SIDT2: variants seen among roughly 807,000 people sequenced by gnomAD.
The protein encoded by SIDT2 is SID1 transmembrane family, member 2.
Under a neutral mutation model 114.4 loss-of-function variants are expected in SIDT2, and 68 were observed. That is an observed-to-expected ratio of 0.59 (90% CI 0.49 to 0.73). The LOEUF (loss-of-function observed/expected upper bound fraction) is 0.73. Among genes scored for constraint, SIDT2 ranks in the 30% least tolerant of loss-of-function variants. SIDT2 has a pLI of 0.00. For missense variants in SIDT2, 918 were observed against 1,097.1 expected (o/e 0.84, Z 2.31); for synonymous variants, 470 against 438.4 (o/e 1.07, Z -0.90).
At position 117,179,181 on chromosome 11, in the gene SIDT2, G is replaced by T. The variant is rs2030156724; in HGVS notation, c.-83G>T. The T allele has an allele frequency of 7.2e-7, 1 of 1,395,444 alleles. No individual in the cohort carries two copies. The allele number at this position is 1,395,444 out of a possible 1,614,324, so 86.4% of individuals were successfully genotyped here. A position where few individuals can be genotyped will look rare whatever the true frequency, so the allele number is the denominator to read the frequency against. ...TGAGATGCTGGAAGCTGCGGCCGCAGCCGCAACCCGTCCCGGAGGTGTCCT... is the reference window on the plus strand; with the variant it reads ...TGAGATGCTGGAAGCTGCGGCCGCATCCGCAACCCGTCCCGGAGGTGTCCT... On this transcript the variant is annotated 5_prime_UTR_variant, in exon 1 of 26. Coordinates refer to ENST00000324225, the MANE Select transcript of SIDT2 (RefSeq NM_001040455.2).
rs200541242 is a variant in SIDT2, at chr11:117,193,925, G to T, written c.2284G>T (p.Ala762Ser). The part of the protein sequence containing the change: ...IVCTSVVWGF[A>S]LFFFFQGLST... ...TTGCACCTCCGTGGTCTGGGGCTTC[G>T]CGCTCTTCTTCTTCTTCCAGGGACT... The change falls in exon 24 of 26, where the codon GCG becomes TCG. Residue 762 changes from alanine (A) to serine (S), a missense_variant. Ala to Ser is a moderately conservative substitution (Grantham distance 99). Transcript: ENST00000324225. 91 of 1,614,060 alleles carry T rather than the reference G, an allele frequency of 5.6e-5. No homozygotes were observed. The East Asian group carries it at 2.0e-3, about 35-fold the overall frequency.
chr11:117,183,643 A>G, intron 6 of SIDT2, 136 bp from the exon 7 acceptor site: 1 of 705,670 alleles, frequency 1.4e-6, no homozygotes, highest in South Asian at 2.0e-5. Context: ...CGTCTCAAAA[A>G]AAAAAAAAAT....
Position 117,196,231 on chromosome 11 carries a change from G to A in SIDT2, c.*165G>A, listed in dbSNP as rs913606322. On this transcript the variant is annotated 3_prime_UTR_variant, in exon 26 of 26. Transcript: ENST00000324225. The surrounding 1 kb of genome is among the most constrained non-coding windows in gnomAD (Gnocchi z 4.9). ...TAGGCTTGGCCTGGGACAGCCATGG[G>A]GTGGCATGGAACCTTGCAGCTGCCC... The A allele has an allele frequency of 5.5e-6, 5 of 909,764 alleles. No homozygotes were observed. In the African/African-American group the frequency reaches 6.7e-5, roughly 12 times the overall value. The allele number at this position is 909,764 out of a possible 1,614,324, so 56.4% of individuals were successfully genotyped here.
At chr11:117,183,049 G>C (rs2030355496) in intron 6 of SIDT2, among the ~76,000 whole-genome samples, 1 of 152,112 alleles carries the variant, frequency 6.6e-6, no homozygotes, top group African/African-American at 2.4e-5. Flanking sequence ...TTCATTCATT[G>C]TAACAATAAG....
At chr11:117,189,594 A>G (rs2134256184) in intron 15 of SIDT2, 193 bp downstream of exon 15, 1 of 636,092 alleles carries the variant, frequency 1.6e-6, no homozygotes, top group Middle Eastern at 4.3e-4. Context: ...TTCATCTGCA[A>G]AATGGGAGCA....
chr11:117,188,107 G>A lies in SIDT2; in HGVS notation c.1159+408G>A. The stretch of plus-strand genomic sequence containing the variant: ...TCTTGTGTCTTCTGAGATAGCAGCA[G>A]AGCACAGGCTCCTTTGGCTGGCGGG... On this transcript the variant is annotated intron_variant, in intron 12 of 25. Coordinates refer to ENST00000324225, the MANE Select transcript of SIDT2 (RefSeq NM_001040455.2). The surrounding 1 kb of genome is among the most constrained non-coding windows in gnomAD (Gnocchi z 4.0). 2.4e-6 allele frequency: 1 copy of A among 409,016 alleles called. No individual in the cohort carries two copies. Among genetic ancestry groups the A allele is most frequent in the Non-Finnish European group, 4.8e-6 (1 of 208,224 alleles). The allele number at this position is 409,016 out of a possible 1,614,324, so 25.3% of individuals were successfully genotyped here.
intron 1 of SIDT2, 52 bp downstream of exon 1, chr11:117,179,498 C>A: frequency 6.4e-7 from 1 of 1,557,604 alleles, no homozygotes; most frequent in South Asian, 1.2e-5. Flanking sequence ...CCGACGAGGG[C>A]TAGGCGATTC....
chr11:117,183,107 G>T (rs1240830005), intron 6 of SIDT2, among the ~76,000 whole-genome samples: 1 of 152,186 alleles, frequency 6.6e-6, no homozygotes, highest in East Asian at 1.9e-4. Context: ...ACTTTGGGAG[G>T]CCGAGGTGGG....
In SIDT2 at chr11:117,187,403, T is replaced by C; in HGVS notation, c.1041T>C (p.Ser347=). Residue 347 remains serine, a synonymous_variant, in exon 11 of 26, where the codon TCT becomes TCC. Coordinates refer to ENST00000324225, the MANE Select transcript of SIDT2 (RefSeq NM_001040455.2). ...ESGHPRVLAD[S]FPGSSPYEGY... ...GTCACCCTCGAGTCCTGGCTGATTC[T>C]TTTCCTGGCAGTTCCCCTTATGAGG... The C allele has an allele frequency of 6.2e-7, 1 of 1,614,094 alleles. No homozygotes were observed. Among genetic ancestry groups the C allele is most frequent in the Non-Finnish European group, 8.5e-7 (1 of 1,179,988 alleles).
rs996357282 is a variant in SIDT2 at position 117,179,093 on chromosome 11, C to T, written c.-171C>T. 1.4e-6 allele frequency: 1 copy of T among 694,024 alleles called. No homozygotes were observed. Among genetic ancestry groups the T allele is most frequent in the Non-Finnish European group, 2.4e-6 (1 of 424,748 alleles). 43.0% of individuals were successfully genotyped at this position (694,024 alleles called of 1,614,324 possible). On this transcript the variant is annotated 5_prime_UTR_variant, in exon 1 of 26. Coordinates refer to ENST00000324225, the MANE Select transcript of SIDT2 (RefSeq NM_001040455.2). ...TCCCCTGCGGGGACCCTGGGAGCCT[C>T]TTCGGGGCTCTTGGGAGGGGACATT...
intron 4 of SIDT2, 156 bp downstream of exon 4, chr11:117,182,261 G>C (rs1276498341): frequency 4.5e-6 from 4 of 880,302 alleles, no homozygotes; most frequent in Non-Finnish European, 7.1e-6. Flanking sequence ...CATGGTGAGG[G>C]ACAGACAGCA....
rs772139329 is a variant in SIDT2 at position 117,192,407 on chromosome 11, GC to G, written c.1981+47del. ...AGGGCCTGGGGGAGGGGTCTGGGGG[GC>G]CTTGGGAACCCGGACGCACGGGAGA... On this transcript the variant is annotated intron_variant, in intron 20 of 25. Coordinates refer to ENST00000324225, the MANE Select transcript of SIDT2 (RefSeq NM_001040455.2). This position sits in a 1 kb window ranked among gnomAD's most constrained non-coding sequence, Gnocchi z 5.9. The G allele has an allele frequency of 7.0e-7, 1 of 1,436,572 alleles. No individual in the cohort carries two copies. The highest frequency in any genetic ancestry group is 1.1e-5 in the South Asian group (1 of 87,524). The allele number at this position is 1,436,572 out of a possible 1,614,324, so 89.0% of individuals were successfully genotyped here.
At chr11:117,180,423 AG>A (rs34783152) in intron 1 of SIDT2, among the ~76,000 whole-genome samples, 8,203 of 152,170 alleles carry the variant, frequency 0.054, 260 homozygotes, top group Middle Eastern at 0.1. Context: ...CTTGGGTTTC[AG>A]CAGCCCAATA....
At chr11:117,186,280 G>A in intron 9 of SIDT2, 57 bp downstream of exon 9, 1 of 1,461,908 alleles carries the variant, frequency 6.8e-7, no homozygotes, top group Non-Finnish European at 9.6e-7. Flanking sequence ...GGTGTGTGGG[G>A]CAGATCACCT....
intron 23 of SIDT2, 114 bp downstream of exon 23, chr11:117,193,372 G>A: frequency 1.0e-6 from 1 of 953,556 alleles, no homozygotes; most frequent in Non-Finnish European, 1.6e-6. Context: ...TTTGCTGGTT[G>A]CGGAGGGGAG....
Position 117,190,101 on chromosome 11 carries a change from A to T in SIDT2, c.1494-65A>T, listed in dbSNP as rs901750818. The T allele has an allele frequency of 8.1e-6, 13 of 1,613,064 alleles. No homozygotes were observed. In the African/African-American group the frequency reaches 1.7e-4, roughly 22 times the overall value. On this transcript the variant is annotated intron_variant, in intron 16 of 25. Transcript: ENST00000324225. This position sits in a 1 kb window ranked among gnomAD's most constrained non-coding sequence, Gnocchi z 4.1. ...CAGGGCCTGGGGCTTTGCAATGCCC[A>T]CGTGGGCTAGGGAAGAGGCCTGGGT...
chr11:117,188,913 G>T lies in SIDT2; in HGVS notation c.1278+87G>T. 2.2e-6 allele frequency: 3 copies of T among 1,357,086 alleles called. No individual in the cohort carries two copies. Among genetic ancestry groups the T allele is most frequent in the Non-Finnish European group, 3.2e-6 (3 of 947,584 alleles). 84.1% of individuals were successfully genotyped at this position (1,357,086 alleles called of 1,614,324 possible). A position where few individuals can be genotyped will look rare whatever the true frequency, so the allele number is the denominator to read the frequency against. ...GCCCCAGCATGTTCCCACTGACGTG[G>T]CATTTAGGGAAGCAGAAGGAAGGGG... On this transcript the variant is annotated intron_variant, in intron 13 of 25. Transcript: ENST00000324225. This position sits in a 1 kb window ranked among gnomAD's most constrained non-coding sequence, Gnocchi z 4.0.
chr11:117,195,783 T>A lies in SIDT2; in HGVS notation c.2323-19T>A. On this transcript the variant is annotated intron_variant, in intron 24 of 25. Transcript: ENST00000324225. The stretch of plus-strand genomic sequence containing the variant: ...GCCAGAGCAGGGTCATTCGGCAGTT[T>A]TTCTTGTTGCTCCCCAAGAAAACCC... 6.2e-7 allele frequency: 1 copy of A among 1,613,726 alleles called. No individual in the cohort carries two copies. The highest frequency in any genetic ancestry group is 8.5e-7 in the Non-Finnish European group (1 of 1,179,728).
intron 6 of SIDT2, 50 bp from the exon 7 acceptor site, chr11:117,183,729 G>A: frequency 8.0e-7 from 1 of 1,252,724 alleles, no homozygotes; most frequent in Non-Finnish European, 1.2e-6. Context: ...ATTTAGAAAA[G>A]AATGATGATG....
Sources: allele counts gnomAD v4.1 joint callset (sites outside exome capture counted in the v4.1 genomes callset), GRCh38; gene constraint gnomAD v4.1.1; non-coding constraint Gnocchi (gnomAD v3.1); transcripts MANE v1.5; gene names NCBI Gene and HGNC (gene_info 2026-07-23, HGNC 2026-07-21).